Variants in PTPRD observed in about 807,000 individuals in gnomAD.
The protein encoded by PTPRD is receptor-type tyrosine-protein phosphatase delta.
PTPRD carries 34 observed loss-of-function variants against 214.5 expected under a neutral mutation model. The ratio of observed to expected loss-of-function variants is 0.16; its 90% CI spans 0.12 to 0.21. The LOEUF (loss-of-function observed/expected upper bound fraction) is 0.21. PTPRD is among the 10% of genes least tolerant of loss of function. The pLI is 1.00. For synonymous variants in PTPRD, 1,128 were observed against 845.7 expected, an observed-to-expected ratio of 1.33 and a Z score of -5.79; for missense variants, 2,545 against 2,398.7, an observed-to-expected ratio of 1.06 and a Z score of -1.27.
chr9:8,574,279 C>T (rs1450677682), intron 14 of PTPRD, among the ~76,000 whole-genome samples: 1 of 151,978 alleles, frequency 6.6e-6, no homozygotes, highest in African/African-American at 2.4e-5. Context: ...AATGAACACT[C>T]TTTGGCACTG....
chr9:10,137,580 C>A (rs1466582709), intron 3 of PTPRD, among the ~76,000 whole-genome samples: 1 of 87,696 alleles, frequency 1.1e-5, no homozygotes. Flanking sequence ...AGGGATAGCA[C>A]TGGGAGATAT....
At chr9:9,011,285 A>C (rs1022028486) in intron 11 of PTPRD, among the ~76,000 whole-genome samples, 1 of 152,168 alleles carries the variant, frequency 6.6e-6, no homozygotes, top group African/African-American at 2.4e-5. Context: ...TAATTCATCT[A>C]TTATTCTCAC....
rs185328595 is a variant in PTPRD at position 8,922,805 on chromosome 9, C to T, written c.-104+95892G>A. On this transcript the variant is annotated intron_variant, in intron 11 of 45. Coordinates refer to ENST00000381196, the MANE Select transcript of PTPRD (RefSeq NM_002839.4). Reference sequence around the variant, plus strand: ...GGGACTACAGGCGTGTGCCATCACGCCCGGCTAATTTTTTTTTTTTTTTGT... The same window carrying T: ...GGGACTACAGGCGTGTGCCATCACGTCCGGCTAATTTTTTTTTTTTTTTGT... Among the ~76,000 whole-genome samples, 478 of 150,608 alleles carry T rather than the reference C, an allele frequency of 3.2e-3. 3 individuals carry two copies. The highest frequency in any genetic ancestry group is 0.011 in the African/African-American group (457 of 40,654).
intron 3 of PTPRD, among the ~76,000 whole-genome samples, chr9:10,279,901 TC>T (rs1209852140): frequency 6.7e-6 from 1 of 149,716 alleles, no homozygotes; most frequent in Non-Finnish European, 1.5e-5. Context: ...TAAATTCTTA[TC>T]TTTTAACTAG....
At chr9:8,733,051 A>G (rs1207313842) in intron 12 of PTPRD, among the ~76,000 whole-genome samples, 1 of 152,252 alleles carries the variant, frequency 6.6e-6, no homozygotes, top group Non-Finnish European at 1.5e-5. Flanking sequence ...AAAAAGCCAC[A>G]GGACAGATGG....
intron 7 of PTPRD, among the ~76,000 whole-genome samples, chr9:9,589,639 G>T (rs994709845): frequency 6.6e-6 from 1 of 151,940 alleles, no homozygotes; most frequent in Non-Finnish European, 1.5e-5. Flanking sequence ...TATAGCAATA[G>T]GATTTATGTG....
At chr9:10,533,675 T>C (rs895939268) in intron 2 of PTPRD, among the ~76,000 whole-genome samples, 1 of 152,018 alleles carries the variant, frequency 6.6e-6, no homozygotes, top group Non-Finnish European at 1.5e-5. Context: ...AACACCTCCA[T>C]CTGCATTAAT....
At chr9:9,629,321 T>C (rs1359704234) in intron 7 of PTPRD, among the ~76,000 whole-genome samples, 1 of 151,176 alleles carries the variant, frequency 6.6e-6, no homozygotes, top group East Asian at 1.9e-4. Context: ...ATTTATTTAG[T>C]TACTTAACTT....
chr9:9,234,240 C>G (rs1334652523), intron 9 of PTPRD, among the ~76,000 whole-genome samples: 2 of 152,206 alleles, frequency 1.3e-5, no homozygotes, highest in Non-Finnish European at 2.9e-5. Context: ...GGACTTGCAT[C>G]ATCTGAAGCC....
At chr9:9,241,460 T>C (rs1424649911) in intron 9 of PTPRD, among the ~76,000 whole-genome samples, 1 of 152,132 alleles carries the variant, frequency 6.6e-6, no homozygotes, top group African/African-American at 2.4e-5. Context: ...GAATGACATA[T>C]TTTAAAATAT....
chr9:8,660,177 T>G (rs972905653), intron 12 of PTPRD, among the ~76,000 whole-genome samples: 2 of 152,222 alleles, frequency 1.3e-5, no homozygotes, highest in African/African-American at 4.8e-5. Flanking sequence ...GAAATCTTTC[T>G]GAAATATAGC....
intron 34 of PTPRD, among the ~76,000 whole-genome samples, chr9:8,444,010 G>A (rs564879297): frequency 3.3e-5 from 5 of 152,098 alleles, no homozygotes; most frequent in African/African-American, 1.2e-4. Flanking sequence ...CTTCAGTAAA[G>A]GATTTTTACA....
intron 3 of PTPRD, among the ~76,000 whole-genome samples, chr9:10,276,926 G>T (rs2094727172): frequency 1.3e-5 from 2 of 152,260 alleles, no homozygotes; most frequent in East Asian, 3.9e-4. Flanking sequence ...TAAATGTAAT[G>T]CGAGAACATA....
chr9:10,382,635 T>C (rs1375622403), intron 2 of PTPRD, among the ~76,000 whole-genome samples: 1 of 151,918 alleles, frequency 6.6e-6, no homozygotes, highest in Admixed American at 6.6e-5. Flanking sequence ...ATAAAGTTCT[T>C]AATCAGCATA....
At chr9:8,366,993 T>C (rs563941046) in intron 39 of PTPRD, among the ~76,000 whole-genome samples, 2 of 152,310 alleles carry the variant, frequency 1.3e-5, no homozygotes, top group Admixed American at 6.5e-5. Context: ...AATCCAGTAA[T>C]GGTGGCACAT....
At chr9:9,150,549 G>C (rs1042989421) in intron 10 of PTPRD, among the ~76,000 whole-genome samples, 4 of 150,314 alleles carry the variant, frequency 2.7e-5, no homozygotes, top group Admixed American at 2.0e-4. Context: ...GAGTGCAATG[G>C]TGTGATTTCA....
intron 2 of PTPRD, among the ~76,000 whole-genome samples, chr9:10,341,316 C>G (rs2096935162): frequency 6.6e-6 from 1 of 150,510 alleles, no homozygotes; most frequent in African/African-American, 2.4e-5. Context: ...AGAATATTAC[C>G]TAAAGAAAAA....
intron 31 of PTPRD, 59 bp downstream of exon 31, chr9:8,470,936 G>T: frequency 8.3e-6 from 12 of 1,445,892 alleles, no homozygotes; most frequent in Non-Finnish European, 1.2e-5. Context: ...AGGGAGGGGG[G>T]CGGAAATGCA....
intron 7 of PTPRD, among the ~76,000 whole-genome samples, chr9:9,607,765 C>A (rs532266508): frequency 2.6e-4 from 38 of 147,516 alleles, no homozygotes; most frequent in African/African-American, 9.0e-4. Flanking sequence ...AAAAAAAATT[C>A]ATTGGCAGAC....
Sources: gnomAD v4.1 joint callset for allele counts (sites outside exome capture counted in the v4.1 genomes callset) on GRCh38, gnomAD v4.1.1 for gene constraint, MANE v1.5 for transcripts, NCBI Gene and HGNC (gene_info 2026-07-23, HGNC 2026-07-21) for gene names.